The following ORC3 variants were observed in gnomAD, a reference collection of about 807,000 sequenced individuals.
ORC3 encodes the protein origin recognition complex subunit 3, also known as homolog of latheo, Drosophila.
ORC3 carries 78 observed loss-of-function variants against 100.7 expected under a neutral mutation model. That is an observed-to-expected ratio of 0.77 (90% confidence interval 0.65 to 0.94). The LOEUF (loss-of-function observed/expected upper bound fraction) is 0.94, where lower values mean the gene tolerates loss of function less well. ORC3 is among the 40% of genes least tolerant of loss of function. ORC3 has a pLI of 0.00. For synonymous variants in ORC3, 295 were observed against 289.3 expected, an observed-to-expected ratio of 1.02 and a Z score of -0.20; for missense variants, 789 against 823.9, an observed-to-expected ratio of 0.96 and a Z score of 0.52.
chr6:87,655,425 C>T (rs1162255005), intron 14 of ORC3, among the ~76,000 whole-genome samples: 2 of 150,268 alleles, frequency 1.3e-5, no homozygotes, highest in African/African-American at 2.5e-5. Flanking sequence ...ATGATAGGCT[C>T]ACTGCAGCCT....
chr6:87,607,069 T>C (rs1355568373), intron 5 of ORC3, among the ~76,000 whole-genome samples: 1 of 152,220 alleles, frequency 6.6e-6, no homozygotes, highest in East Asian at 1.9e-4. Flanking sequence ...GTAATTTAAA[T>C]ACATATTCCT....
intron 17 of ORC3, among the ~76,000 whole-genome samples, chr6:87,663,731 A>G (rs1770383357): frequency 1.3e-5 from 2 of 152,254 alleles, no homozygotes; most frequent in African/African-American, 4.8e-5. Flanking sequence ...TCTTTAAACA[A>G]TAGTTCAAGA....
chr6:87,605,314 C>T (rs1416028915), intron 4 of ORC3, among the ~76,000 whole-genome samples: 1 of 152,064 alleles, frequency 6.6e-6, no homozygotes, highest in Non-Finnish European at 1.5e-5. Context: ...CCTTAAAGAG[C>T]TTGTTAGGAA....
In ORC3 at chr6:87,609,114, CT is replaced by C; in HGVS notation, c.599del (p.Leu200GlnfsTer20). On this transcript the variant is annotated frameshift_variant, in exon 7 of 20. Coordinates refer to ENST00000392844, the MANE Select transcript of ORC3 (RefSeq NM_012381.4). LOFTEE classifies it high-confidence loss of function. The stretch of plus-strand genomic sequence containing the variant: ...TTAAAAGAAGACGGACCCAAAAATG[CT>C]AAGCAAAAAAAGGACTACTTCTAGC... ...TVTQKTDPKMLSKKRTTSSQW... is the reference protein window; with the variant it reads ...TVTQKTDPKMXSKKRTTSSQW... 1.9e-6 allele frequency: 3 copies of C among 1,603,200 alleles called. No individual in the cohort carries two copies. The highest frequency in any genetic ancestry group is 2.5e-6 in the Non-Finnish European group (3 of 1,177,352).
At chr6:87,668,287 G>A (rs765483344), downstream of ORC3, among the ~76,000 whole-genome samples, 2 of 152,188 alleles carry the variant, frequency 1.3e-5, no homozygotes, top group Non-Finnish European at 2.9e-5. Flanking sequence ...GCAGGATTAT[G>A]TGTGTGTGCC....
chr6:87,650,061 CTTTTT>C (rs565491984), intron 13 of ORC3, among the ~76,000 whole-genome samples: 1 of 122,650 alleles, frequency 8.2e-6, no homozygotes, highest in Non-Finnish European at 1.7e-5. Flanking sequence ...TTTACACTCT[CTTTTT>C]TTTTTTTTTT....
intron 18 of ORC3, 97 bp downstream of exon 18, chr6:87,664,956 CTT>C: frequency 1.4e-6 from 1 of 722,798 alleles, no homozygotes; most frequent in Admixed American, 2.6e-5. Context: ...TGGAATTTAT[CTT>C]GTGTTTAATG....
At chr6:87,640,853 G>A (rs139709927) in intron 13 of ORC3, among the ~76,000 whole-genome samples, 9 of 152,192 alleles carry the variant, frequency 5.9e-5, no homozygotes, top group Non-Finnish European at 1.3e-4. Flanking sequence ...TAATCCCAAC[G>A]CTTTGGGAGG....
At chr6:87,622,986 T>C (rs1779640715) in intron 11 of ORC3, among the ~76,000 whole-genome samples, 1 of 152,208 alleles carries the variant, frequency 6.6e-6, no homozygotes, top group Non-Finnish European at 1.5e-5. Flanking sequence ...ATTGTAATGA[T>C]AGTAAGATGA....
At chr6:87,656,521 A>C (rs2128292059) in intron 14 of ORC3, among the ~76,000 whole-genome samples, 2 of 152,140 alleles carry the variant, frequency 1.3e-5, no homozygotes, top group South Asian at 4.2e-4. Context: ...TGGGAGGAGG[A>C]GGTTGCAGTG....
downstream of ORC3, among the ~76,000 whole-genome samples, chr6:87,671,031 G>C (rs1400938121): frequency 1.3e-5 from 2 of 152,208 alleles, no homozygotes; most frequent in Non-Finnish European, 2.9e-5. Context: ...GGACAAGGTA[G>C]AGTGAGCAGG....
intron 19 of ORC3, 78 bp downstream of exon 19, chr6:87,665,911 G>C (rs778813745): frequency 6.1e-5 from 51 of 841,094 alleles, no homozygotes; most frequent in Non-Finnish European, 8.8e-5. Flanking sequence ...GTCTACACTA[G>C]ATATTTATAA....
intron 9 of ORC3, among the ~76,000 whole-genome samples, chr6:87,619,154 A>C (rs1205691317): frequency 6.6e-6 from 1 of 152,196 alleles, no homozygotes; most frequent in African/African-American, 2.4e-5. Context: ...GGAGACTAAA[A>C]ACAAGGAGAA....
the ORC3 span, among the ~76,000 whole-genome samples, chr6:87,677,323 C>T: frequency 6.6e-6 from 1 of 152,118 alleles, no homozygotes; most frequent in Non-Finnish European, 1.5e-5. Context: ...AAAAAGCTTA[C>T]ATATCTATAT....
chr6:87,647,733 T>C (rs140147654), intron 13 of ORC3, among the ~76,000 whole-genome samples: 35 of 152,340 alleles, frequency 2.3e-4, no homozygotes, highest in African/African-American at 7.9e-4. Context: ...TCTTGAATGA[T>C]TGGTTCATGA....
At chr6:87,668,906 C>G (rs1770772315), downstream of ORC3, among the ~76,000 whole-genome samples, 1 of 152,204 alleles carries the variant, frequency 6.6e-6, no homozygotes, top group African/African-American at 2.4e-5. Flanking sequence ...TCACTTGAAC[C>G]TGGGAGGCGG....
At chr6:87,615,783 T>C (rs1238308272) in intron 8 of ORC3, among the ~76,000 whole-genome samples, 2 of 152,266 alleles carry the variant, frequency 1.3e-5, no homozygotes, top group Non-Finnish European at 1.5e-5. Flanking sequence ...TGTGTGACTT[T>C]TCATTTCCAG....
chr6:87,601,982 A>G (rs1050381507), intron 3 of ORC3, 101 bp downstream of exon 3: 20 of 751,940 alleles, frequency 2.7e-5, no homozygotes, highest in Middle Eastern at 4.7e-4. Context: ...GATGAAATAT[A>G]GGAAGTATTG....
In ORC3 at chr6:87,653,250, G is replaced by C. The variant is rs1170812894; in HGVS notation, c.1516+1G>C. On this transcript the variant is annotated splice_donor_variant, in intron 14 of 19. Coordinates refer to ENST00000392844, the MANE Select transcript of ORC3 (RefSeq NM_012381.4). LOFTEE classifies it high-confidence loss of function. The stretch of plus-strand genomic sequence containing the variant: ...CTGGCCCAGTTTCAGAGCCTCGATG[G>C]TAAGAGTGTAATATCCTTCCAATTC... 6.2e-7 allele frequency: 1 copy of C among 1,612,664 alleles called. No individual in the cohort carries two copies. The highest frequency in any genetic ancestry group is 1.1e-5 in the South Asian group (1 of 90,914).
Sources: gnomAD v4.1 joint callset for allele counts (sites outside exome capture counted in the v4.1 genomes callset) on GRCh38, gnomAD v4.1.1 for gene constraint, MANE v1.5 for transcripts, NCBI Gene and HGNC (gene_info 2026-07-23, HGNC 2026-07-21) for gene names.